TLDC2: variants seen among roughly 807,000 people sequenced by gnomAD.
The protein encoded by TLDC2 is TLD domain-containing protein 2.
TLDC2 carries 23 observed loss-of-function variants against 27.9 expected under a neutral mutation model. That is an observed-to-expected ratio of 0.82 (90% CI 0.59 to 1.17). The LOEUF (loss-of-function observed/expected upper bound fraction) is 1.17, where lower values mean the gene tolerates loss of function less well. Ranked by LOEUF, TLDC2 falls within the 50% of genes most tolerant of loss-of-function variation. The probability of loss-of-function intolerance (pLI) is 0.00; values close to 1 mark genes in which losing one functional copy is unlikely to be tolerated. For synonymous variants in TLDC2, 124 were observed against 107.4 expected (o/e 1.16, Z -0.96); for missense variants, 286 against 273.4 (o/e 1.05, Z -0.32).
intron 5 of TLDC2, among the ~76,000 whole-genome samples, chr20:36,888,097 T>C (rs1989964321): frequency 6.6e-6 from 1 of 152,158 alleles, no homozygotes; most frequent in African/African-American, 2.4e-5. Flanking sequence ...ACATCAGCCA[T>C]TGCTGATCTG....
chr20:36,882,733 A>G (rs1989842319), intron 4 of TLDC2, among the ~76,000 whole-genome samples: 2 of 152,168 alleles, frequency 1.3e-5, no homozygotes, highest in African/African-American at 2.4e-5. Flanking sequence ...TGCTGCCATC[A>G]GCTGGAGGGG....
In TLDC2 at chr20:36,884,358, C is replaced by T. The variant is rs1989875859; in HGVS notation, c.439-3097C>T. On this transcript the variant is annotated intron_variant, in intron 4 of 6. Transcript: ENST00000217320. The stretch of plus-strand genomic sequence containing the variant: ...CAGGGCCTTTGCACGTGCTATTCTG[C>T]CTAGAATGTCCCTCCACTGGATCTC... Among the ~76,000 whole-genome samples the T allele has an allele frequency of 2.0e-5, 3 of 152,192 alleles. No individual in the cohort carries two copies. In the South Asian group the frequency reaches 6.2e-4, roughly 32 times the overall value.
chr20:36,885,833 C>T (rs998287500), intron 4 of TLDC2, among the ~76,000 whole-genome samples: 4 of 152,070 alleles, frequency 2.6e-5, no homozygotes, highest in South Asian at 2.1e-4. Context: ...CGGAACTTAA[C>T]GTCCTTAATA....
chr20:36,889,173 G>T, intron 5 of TLDC2, 78 bp from the exon 6 acceptor site: 1 of 1,570,082 alleles, frequency 6.4e-7, no homozygotes, highest in Non-Finnish European at 8.7e-7. Flanking sequence ...GCATGGCCAA[G>T]AGCTGATGCT....
chr20:36,892,898 G>T lies in TLDC2; in HGVS notation c.*54G>T. On this transcript the variant is annotated 3_prime_UTR_variant, in exon 7 of 7. Transcript: ENST00000217320. Reference sequence around the variant, plus strand: ...TGAAGCCTCTAAATGAATTGTGCAGGAGAGGGAGTTTGTAAACAACTGACT... The same window carrying T: ...TGAAGCCTCTAAATGAATTGTGCAGTAGAGGGAGTTTGTAAACAACTGACT... The T allele has an allele frequency of 6.2e-7, 1 of 1,613,154 alleles. No individual in the cohort carries two copies. Among genetic ancestry groups the T allele is most frequent in the Admixed American group, 1.7e-5 (1 of 60,004 alleles).
chr20:36,892,404 C>T (rs572070775), intron 6 of TLDC2: 1 of 190,740 alleles, frequency 5.2e-6, no homozygotes, highest in East Asian at 1.4e-4. Flanking sequence ...TTGTTTTTAG[C>T]CATGTTTGTC....
intron 4 of TLDC2, 96 bp downstream of exon 4, chr20:36,880,846 C>A: frequency 8.8e-7 from 1 of 1,131,302 alleles, no homozygotes; most frequent in Non-Finnish European, 1.3e-6. Context: ...CCACGATGGG[C>A]TGCCTGGTGT....
At chr20:36,889,471 A>C (rs1990007280) in intron 6 of TLDC2, 68 bp downstream of exon 6, 1 of 1,522,526 alleles carries the variant, frequency 6.6e-7, no homozygotes, top group African/African-American at 1.4e-5. Context: ...TGTTTGAAAC[A>C]CAGATGGTGA....
chr20:36,884,418 G>C (rs1220736767), intron 4 of TLDC2, among the ~76,000 whole-genome samples: 1 of 151,990 alleles, frequency 6.6e-6, no homozygotes, highest in Admixed American at 6.6e-5. Context: ...TCTATGTTCT[G>C]ATGTCACCAT....
chr20:36,887,345 G>T (rs111742209), intron 4 of TLDC2, 110 bp from the exon 5 acceptor site: 1 of 960,796 alleles, frequency 1.0e-6, no homozygotes, highest in East Asian at 2.4e-5. Flanking sequence ...CTCGGTTGGG[G>T]CCTGGATGCT....
At position 36,877,999 on chromosome 20, in the gene TLDC2, C is replaced by A; in HGVS notation, c.134C>A (p.Thr45Lys). The A allele has an allele frequency of 1.2e-6, 2 of 1,614,094 alleles. No individual in the cohort carries two copies. The highest frequency in any genetic ancestry group is 1.7e-6 in the Non-Finnish European group (2 of 1,179,978). Reference protein sequence around the residue: ...PDPAAAPEDPTVPQLTEASQV... With the variant: ...PDPAAAPEDPKVPQLTEASQV... ...CCAGCTGCTGCTCCTGAGGATCCCACGGTGCCCCAGCTGACAGAAGCCAGC... is the reference window on the plus strand; with the variant it reads ...CCAGCTGCTGCTCCTGAGGATCCCAAGGTGCCCCAGCTGACAGAAGCCAGC... Residue 45 changes from threonine (T) to lysine (K), a missense_variant, in exon 2 of 7, where the codon ACG becomes AAG. Physicochemically the swap from Thr to Lys is moderately conservative, Grantham distance 78. Transcript: ENST00000217320.
Position 36,887,507 on chromosome 20 carries a change from C to A in TLDC2, c.491C>A (p.Ser164Ter). The A allele has an allele frequency of 1.2e-6, 2 of 1,614,148 alleles. No homozygotes were observed. Among genetic ancestry groups the A allele is most frequent in the Non-Finnish European group, 8.5e-7 (1 of 1,180,010 alleles). ...TTCTTTGTGAAGGGAGACTTGGATT[C>A]ACTGATGATGGGCAGTGGCAGGTGA... ...NSFFVKGDLD[S>*]LMMGSGSGRF... Residue 164 changes from serine to a stop codon, truncating the protein, a stop_gained, in exon 5 of 7, where the codon TCA becomes TAA. Transcript: ENST00000217320. LOFTEE classifies it high-confidence loss of function.
intron 4 of TLDC2, among the ~76,000 whole-genome samples, chr20:36,884,982 G>A (rs1291137): frequency 1.3e-5 from 2 of 148,620 alleles, no homozygotes; most frequent in African/African-American, 4.9e-5. Context: ...AGGTTCAAGC[G>A]ATTCTCCTGC....
At chr20:36,887,319 G>A (rs1002298569) in intron 4 of TLDC2, 136 bp from the exon 5 acceptor site, 7 of 747,358 alleles carry the variant, frequency 9.4e-6, no homozygotes, top group South Asian at 1.5e-5. Context: ...CCCTGAGCCC[G>A]GAGTCCCACC....
At chr20:36,883,915 G>C (rs916347757) in intron 4 of TLDC2, among the ~76,000 whole-genome samples, 3 of 152,164 alleles carry the variant, frequency 2.0e-5, no homozygotes, top group Non-Finnish European at 4.4e-5. Flanking sequence ...CCAACACGGT[G>C]AAACCCCGTC....
intron 4 of TLDC2, among the ~76,000 whole-genome samples, chr20:36,881,768 G>T (rs967969293): frequency 2.0e-5 from 3 of 152,198 alleles, no homozygotes; most frequent in Non-Finnish European, 4.4e-5. Flanking sequence ...CCAAGGCAAA[G>T]GTGGGCTCGG....
intron 1 of TLDC2, among the ~76,000 whole-genome samples, chr20:36,876,662 AACACACAC>A (rs767740399): frequency 1.3e-5 from 2 of 151,982 alleles, no homozygotes; most frequent in Admixed American, 1.3e-4. Context: ...TACACATGCA[AACACACAC>A]ACTCACACAC....
Position 36,893,835 on chromosome 20 carries a change from G to A in TLDC2, c.*991G>A, listed in dbSNP as rs1990140771. On this transcript the variant is annotated 3_prime_UTR_variant, in exon 7 of 7. Transcript: ENST00000217320. ...TCTTCACTCTTCCTCTCCCTACTCT[G>A]TCTCACAGGAGCTACTCCGGTAAAT... 1 of 398,528 alleles carries A rather than the reference G, an allele frequency of 2.5e-6. No individual in the cohort carries two copies. The highest frequency in any genetic ancestry group is 4.4e-6 in the Non-Finnish European group (1 of 226,052). 24.7% of individuals were successfully genotyped at this position (398,528 alleles called of 1,614,324 possible).
chr20:36,890,651 GTA>G (rs1189818680), intron 6 of TLDC2: 1 of 151,944 alleles, frequency 6.6e-6, no homozygotes, highest in Non-Finnish European at 1.5e-5. Context: ...GCTAATTTTT[GTA>G]TTTTTAGTAG....
Sources: allele counts gnomAD v4.1 joint callset (sites outside exome capture counted in the v4.1 genomes callset), GRCh38; gene constraint gnomAD v4.1.1; transcripts MANE v1.5; gene names NCBI Gene and HGNC (gene_info 2026-07-23, HGNC 2026-07-21).